The following CDH12 variants were observed in gnomAD, a reference collection of about 807,000 sequenced individuals.
CDH12 encodes the protein cadherin-12.
A neutral mutation model predicts 74.1 loss-of-function variants in CDH12; 41 were observed. The observed-to-expected ratio is 0.55, with a 90% CI of 0.43 to 0.72. CDH12 has a LOEUF of 0.72. Among genes scored for constraint, CDH12 ranks in the 30% least tolerant of loss-of-function variants. The probability of loss-of-function intolerance (pLI) is 0.00; values close to 1 mark genes in which losing one functional copy is unlikely to be tolerated. For missense variants in CDH12, 945 were observed against 977.2 expected (o/e 0.97, Z 0.44); for synonymous variants, 399 against 355.0 (o/e 1.12, Z -1.39).
intron 5 of CDH12, among the ~76,000 whole-genome samples, chr5:22,033,402 C>T (rs1297059915): frequency 6.6e-6 from 1 of 152,170 alleles, no homozygotes; most frequent in Non-Finnish European, 1.5e-5. Flanking sequence ...TTAACAAGGA[C>T]TTAAAATCGT....
chr5:21,838,492 G>A (rs528609283), intron 8 of CDH12, among the ~76,000 whole-genome samples: 64 of 152,192 alleles, frequency 4.2e-4, no homozygotes, highest in Non-Finnish European at 1.8e-4. Context: ...CCTGGGAGGC[G>A]GAGGTGGCAG....
chr5:22,298,265 T>C (rs1266903809), intron 3 of CDH12, among the ~76,000 whole-genome samples: 2 of 151,678 alleles, frequency 1.3e-5, no homozygotes, highest in East Asian at 3.9e-4. Flanking sequence ...TGTATATATA[T>C]ATAGCACTTA....
intron 1 of CDH12, among the ~76,000 whole-genome samples, chr5:22,795,310 T>C (rs1748137358): frequency 6.6e-6 from 1 of 152,152 alleles, no homozygotes; most frequent in Admixed American, 6.5e-5. Context: ...TCTTCTCATA[T>C]AGCATTCAGA....
At position 22,360,193 on chromosome 5, in the gene CDH12, T is replaced by C. The variant is rs202163140; in HGVS notation, c.-333+45064A>G. ...ATTGATAGACCACTAGCAAGACTAA[T>C]AAAGAAGAAAAAAGAGAAGAATCAA... On this transcript the variant is annotated intron_variant, in intron 3 of 14. Transcript: ENST00000382254. 2.0e-5 allele frequency among the ~76,000 whole-genome samples: 3 copies of C among 150,982 alleles called. No homozygotes were observed. The East Asian group carries it at 5.9e-4, about 29-fold the overall frequency.
intron 2 of CDH12, among the ~76,000 whole-genome samples, chr5:22,416,609 T>C (rs1262554360): frequency 1.3e-5 from 2 of 152,106 alleles, no homozygotes; most frequent in Admixed American, 6.5e-5. Flanking sequence ...CTTTGAAAGA[T>C]TTTGTCAGTG....
At chr5:21,836,620 C>A (rs1298794228) in intron 8 of CDH12, among the ~76,000 whole-genome samples, 4 of 151,738 alleles carry the variant, frequency 2.6e-5, no homozygotes, top group Non-Finnish European at 2.9e-5. Context: ...AAGCGACCAA[C>A]TGGGAAAACT....
At chr5:22,528,826 A>G (rs1737404655) in intron 1 of CDH12, among the ~76,000 whole-genome samples, 2 of 152,116 alleles carry the variant, frequency 1.3e-5, no homozygotes, top group South Asian at 4.1e-4. Flanking sequence ...ACCATGGACC[A>G]CCAGCCTTCT....
At chr5:22,145,717 G>A (rs1002436464) in intron 4 of CDH12, among the ~76,000 whole-genome samples, 11 of 152,186 alleles carry the variant, frequency 7.2e-5, no homozygotes, top group Admixed American at 2.0e-4. Flanking sequence ...TATAAACTGT[G>A]GCAGAAAGTT....
At chr5:22,052,590 A>G (rs1403588281) in intron 5 of CDH12, among the ~76,000 whole-genome samples, 10 of 152,148 alleles carry the variant, frequency 6.6e-5, no homozygotes. Context: ...AGAAATGGAC[A>G]CATTTTACTC....
chr5:22,057,113 A>G (rs1740795459), intron 5 of CDH12, among the ~76,000 whole-genome samples: 1 of 152,200 alleles, frequency 6.6e-6, no homozygotes, highest in Non-Finnish European at 1.5e-5. Context: ...TAAGCATTTT[A>G]GGTGTTATGA....
chr5:21,758,001 T>C (rs16888464), intron 13 of CDH12, among the ~76,000 whole-genome samples: 5,293 of 152,230 alleles, frequency 0.035, 112 homozygotes, highest in Middle Eastern at 0.071. Context: ...ATATTTTCCA[T>C]GCTACATCCA....
At chr5:21,889,836 A>C in intron 6 of CDH12, 2 of 985,338 alleles carry the variant, frequency 2.0e-6, no homozygotes, top group Non-Finnish European at 1.2e-6. Context: ...GCCTTTGCCT[A>C]AAACCCTCTT....
chr5:22,340,525 CAAA>C (rs35157556), intron 3 of CDH12, among the ~76,000 whole-genome samples: 1 of 130,584 alleles, frequency 7.7e-6, no homozygotes, highest in Admixed American at 8.0e-5. Flanking sequence ...GACTCCGTCT[CAAA>C]AAAAAAAAAA....
intron 3 of CDH12, among the ~76,000 whole-genome samples, chr5:22,238,850 A>G (rs150718159): frequency 1.3e-5 from 2 of 152,336 alleles, no homozygotes; most frequent in East Asian, 3.9e-4. Flanking sequence ...GGAAAGCTCC[A>G]AATAATGAGT....
intron 5 of CDH12, among the ~76,000 whole-genome samples, chr5:22,026,391 A>C (rs1002433336): frequency 3.3e-5 from 5 of 152,148 alleles, no homozygotes; most frequent in African/African-American, 1.2e-4. Context: ...AGACAGCATA[A>C]AATTTGACCA....
intron 4 of CDH12, among the ~76,000 whole-genome samples, chr5:22,145,468 T>C (rs576852319): frequency 2.6e-5 from 4 of 152,226 alleles, no homozygotes; most frequent in African/African-American, 9.6e-5. Context: ...TGATAGGTCC[T>C]TGACAAATTC....
At chr5:21,875,959 G>C (rs555301210) in intron 6 of CDH12, among the ~76,000 whole-genome samples, 1 of 143,664 alleles carries the variant, frequency 7.0e-6, no homozygotes, top group South Asian at 2.3e-4. Flanking sequence ...GCAGTGGCAC[G>C]ATCTCGGTTC....
chr5:22,295,144 C>A (rs895117783), intron 3 of CDH12, among the ~76,000 whole-genome samples: 2 of 152,132 alleles, frequency 1.3e-5, no homozygotes, highest in Admixed American at 1.3e-4. Context: ...CTGCCTACTG[C>A]CTCTTCCCTA....
intron 6 of CDH12, among the ~76,000 whole-genome samples, chr5:21,946,550 C>T (rs1463558715): frequency 6.6e-6 from 1 of 152,124 alleles, no homozygotes; most frequent in African/African-American, 2.4e-5. Flanking sequence ...ACATCAGTAA[C>T]AGTAGATCTT....
Sources: gnomAD v4.1 joint callset for allele counts (sites outside exome capture counted in the v4.1 genomes callset) on GRCh38, gnomAD v4.1.1 for gene constraint, MANE v1.5 for transcripts, NCBI Gene and HGNC (gene_info 2026-07-23, HGNC 2026-07-21) for gene names.